SYNE1: variants seen among roughly 807,000 people sequenced by gnomAD.
SYNE1 encodes nesprin-1.
SYNE1 carries 616 observed loss-of-function variants against 1,111.0 expected under a neutral mutation model. That is an observed-to-expected ratio of 0.55 (90% CI 0.52 to 0.59). The LOEUF (loss-of-function observed/expected upper bound fraction) is 0.59. SYNE1 is among the 20% of genes least tolerant of loss of function. SYNE1 has a pLI of 0.00. For synonymous variants in SYNE1, 3,855 were observed against 3,825.8 expected (o/e 1.01, Z -0.28); for missense variants, 10,006 against 10,417.0 (o/e 0.96, Z 1.72).
chr6:152,166,093 G>A (rs1427916942), intron 130 of SYNE1, among the ~76,000 whole-genome samples: 1 of 152,150 alleles, frequency 6.6e-6, no homozygotes, highest in Admixed American at 6.6e-5. Context: ...ACTAGGCTTG[G>A]GGATGGTAAT....
chr6:152,572,887 A>G (rs1398507333), intron 3 of SYNE1, among the ~76,000 whole-genome samples: 2 of 152,202 alleles, frequency 1.3e-5, no homozygotes, highest in African/African-American at 2.4e-5. Flanking sequence ...AGAGCATACA[A>G]AAACAAATCA....
At chr6:152,627,461 G>T (rs2695247) in intron 3 of SYNE1, among the ~76,000 whole-genome samples, 100,766 of 149,290 alleles carry the variant, frequency 0.67, 34,100 homozygotes, top group Non-Finnish European at 0.7. Context: ...GAGGCCAGCC[G>T]GGTCAACATG....
In SYNE1 at chr6:152,505,240, C is replaced by T. The variant is rs756083475; in HGVS notation, c.739G>A (p.Glu247Lys). Residue 247 changes from glutamate to lysine, a missense_variant, in exon 9 of 146, where the codon GAA becomes AAA. This residue lies in a region of SYNE1 where 1,971 missense variants were observed against 2,084.1 expected (regional missense o/e 0.95). Coordinates refer to ENST00000367255, the MANE Select transcript of SYNE1 (RefSeq NM_182961.4). ...AGTCTTGGGATCCCCAGTTCTGTTTCGGCGATAGTGAAAGCATCCTCCAAA... is the reference window on the plus strand; with the variant it reads ...AGTCTTGGGATCCCCAGTTCTGTTTTGGCGATAGTGAAAGCATCCTCCAAA... Reference protein sequence around the residue: ...ENLEDAFTIAETELGIPRLLD... With the variant: ...ENLEDAFTIAKTELGIPRLLD... 14 of 1,613,842 alleles carry T rather than the reference C, an allele frequency of 8.7e-6. No individual in the cohort carries two copies. The highest frequency in any genetic ancestry group is 6.6e-5 in the South Asian group (6 of 91,060).
intron 12 of SYNE1, among the ~76,000 whole-genome samples, chr6:152,485,872 C>A (rs1378255369): frequency 6.6e-6 from 1 of 152,096 alleles, no homozygotes; most frequent in Admixed American, 6.5e-5. Flanking sequence ...GGTTTTCTTT[C>A]ATTTTCTCTA....
At chr6:152,195,101 A>C (rs1029545508) in intron 127 of SYNE1, among the ~76,000 whole-genome samples, 2 of 151,950 alleles carry the variant, frequency 1.3e-5, no homozygotes, top group Non-Finnish European at 2.9e-5. Context: ...TTGTATTTTT[A>C]GTAGAGACAG....
intron 98 of SYNE1, among the ~76,000 whole-genome samples, chr6:152,277,226 A>C (rs538911307): frequency 4.1e-5 from 6 of 146,516 alleles, no homozygotes; most frequent in African/African-American, 1.5e-4. Context: ...CTCCCCAACA[A>C]GAAGATTGTT....
intron 3 of SYNE1, among the ~76,000 whole-genome samples, chr6:152,596,140 C>T (rs2099580840): frequency 8.2e-6 from 1 of 122,466 alleles, no homozygotes; most frequent in Non-Finnish European, 1.6e-5. Context: ...CTCTTGTGAT[C>T]TGTGTCCCTG....
intron 39 of SYNE1, among the ~76,000 whole-genome samples, chr6:152,423,460 T>C (rs147721620): frequency 8.4e-4 from 128 of 152,264 alleles, no homozygotes; most frequent in African/African-American, 2.9e-3. Context: ...CAACACACAC[T>C]ATACATTGAC....
rs1466866068 is a variant in SYNE1, at chr6:152,416,583, C to T, written c.5854G>A (p.Ala1952Thr). The T allele has an allele frequency of 6.2e-7, 1 of 1,613,988 alleles. No individual in the cohort carries two copies. The highest frequency in any genetic ancestry group is 1.3e-5 in the African/African-American group (1 of 74,904). ...TCTACCTCTCCACAGAGCTGATCAGCCGTGGCTCTGCAGGAAGTCCTTTGC... is the reference window on the plus strand; with the variant it reads ...TCTACCTCTCCACAGAGCTGATCAGTCGTGGCTCTGCAGGAAGTCCTTTGC... ...SEQRTSCRATADQLCGEVERI... is the reference protein window; with the variant it reads ...SEQRTSCRATTDQLCGEVERI... Residue 1952 changes from alanine (A) to threonine (T), a missense_variant, in exon 41 of 146, where the codon GCT becomes ACT. By Grantham distance (58) the Ala-to-Thr change is moderately conservative. This residue lies in a region of SYNE1 where 4,955 missense variants were observed against 5,017.2 expected (regional missense o/e 0.99). Coordinates refer to ENST00000367255, the MANE Select transcript of SYNE1 (RefSeq NM_182961.4).
At chr6:152,609,410 G>A (rs1164782767) in intron 3 of SYNE1, among the ~76,000 whole-genome samples, 1 of 152,140 alleles carries the variant, frequency 6.6e-6, no homozygotes, top group Non-Finnish European at 1.5e-5. Flanking sequence ...GCAGCAGCCT[G>A]GCTGGAGGAG....
intron 6 of SYNE1, among the ~76,000 whole-genome samples, chr6:152,515,765 C>T (rs1265965591): frequency 6.6e-6 from 1 of 152,198 alleles, no homozygotes; most frequent in African/African-American, 2.4e-5. Context: ...AATGATCTGC[C>T]TGACACCTCA....
chr6:152,284,101 CA>C lies in SYNE1; in HGVS notation c.18083del (p.Leu6028ArgfsTer23). ...NELQSSLAEE[L>X]VSESCEADPA... The stretch of plus-strand genomic sequence containing the variant: ...GGTCGGCCTCACAAGACTCGGATAC[CA>C]GCTCCTCTGCGAGAGAGGACTGGAG... On this transcript the variant is annotated frameshift_variant, in exon 96 of 146. Coordinates refer to ENST00000367255, the MANE Select transcript of SYNE1 (RefSeq NM_182961.4). LOFTEE classifies it high-confidence loss of function. 1 of 1,614,184 alleles carries C rather than the reference CA, an allele frequency of 6.2e-7. No individual in the cohort carries two copies. The highest frequency in any genetic ancestry group is 8.5e-7 in the Non-Finnish European group (1 of 1,180,030).
At chr6:152,532,907 G>A (rs1214276060) in intron 4 of SYNE1, among the ~76,000 whole-genome samples, 3 of 151,974 alleles carry the variant, frequency 2.0e-5, no homozygotes, top group Non-Finnish European at 2.9e-5. Flanking sequence ...TAGAGAAGTG[G>A]GAAGGAAGAG....
chr6:152,352,773 A>T lies in SYNE1; in HGVS notation c.11254-420T>A, dbSNP rs992855979. Among the ~76,000 whole-genome samples, 7 of 152,296 alleles carry T rather than the reference A, an allele frequency of 4.6e-5. No individual in the cohort carries two copies. The East Asian group carries it at 1.3e-3, about 29-fold the overall frequency. On this transcript the variant is annotated intron_variant, in intron 69 of 145. Transcript: ENST00000367255. ...AGTCCACCTATTTCCCTTTAAAATA[A>T]GTTGTTGACATTCATAACCAGATTT...
intron 128 of SYNE1, among the ~76,000 whole-genome samples, chr6:152,185,932 A>C (rs2069723799): frequency 6.6e-6 from 1 of 152,234 alleles, no homozygotes; most frequent in Non-Finnish European, 1.5e-5. Context: ...AATCTTCAAA[A>C]TATTCAAAAT....
chr6:152,615,300 T>C (rs560716791), intron 3 of SYNE1, among the ~76,000 whole-genome samples: 3 of 152,290 alleles, frequency 2.0e-5, no homozygotes, highest in Non-Finnish European at 4.4e-5. Context: ...CTTGTCAAAG[T>C]AGGATGTTTA....
chr6:152,320,403 G>C (rs1230724756), intron 84 of SYNE1, among the ~76,000 whole-genome samples: 1 of 151,924 alleles, frequency 6.6e-6, no homozygotes, highest in African/African-American at 2.4e-5. Flanking sequence ...TTGTACAATG[G>C]GATATTACTT....
intron 115 of SYNE1, among the ~76,000 whole-genome samples, chr6:152,226,549 T>C (rs4870085): frequency 0.47 from 70,762 of 152,072 alleles, 17,090 homozygotes; most frequent in East Asian, 0.74. Flanking sequence ...CAGTATAAAA[T>C]GTTCAAGAAT....
At chr6:152,318,588 T>C (rs1170291475) in intron 85 of SYNE1, among the ~76,000 whole-genome samples, 1 of 152,174 alleles carries the variant, frequency 6.6e-6, no homozygotes, top group Non-Finnish European at 1.5e-5. Context: ...GTTTGGAATT[T>C]ATATACTTGT....
Sources: gnomAD v4.1 joint callset for allele counts (sites outside exome capture counted in the v4.1 genomes callset) on GRCh38, gnomAD v4.1.1 for gene constraint, gnomAD v4.1.1 regional missense constraint, MANE v1.5 for transcripts, NCBI Gene and HGNC (gene_info 2026-07-23, HGNC 2026-07-21) for gene names.